CNOT6: variants seen among roughly 807,000 people sequenced by gnomAD.
CNOT6 encodes the protein carbon catabolite repression 4 protein.
Under a neutral mutation model 61.2 loss-of-function variants are expected in CNOT6, and 12 were observed. The observed-to-expected ratio is 0.20, with a 90% CI of 0.13 to 0.32. CNOT6 has a LOEUF of 0.32. Ranked by LOEUF, CNOT6 falls within the 10% of genes least tolerant of loss-of-function variation. The pLI is 1.00. For synonymous variants in CNOT6, 225 were observed against 240.6 expected, an observed-to-expected ratio of 0.94 and a Z score of 0.60; for missense variants, 405 against 663.9, an observed-to-expected ratio of 0.61 and a Z score of 4.28.
At chr5:180,498,731 C>T (rs999555387) in intron 1 of CNOT6, among the ~76,000 whole-genome samples, 13 of 152,194 alleles carry the variant, frequency 8.5e-5, no homozygotes, top group Non-Finnish European at 2.9e-5. Flanking sequence ...ACTTTGGCAT[C>T]CCTGTGGAGA....
intron 2 of CNOT6, among the ~76,000 whole-genome samples, chr5:180,548,749 A>G (rs1015629692): frequency 6.6e-6 from 1 of 152,172 alleles, no homozygotes; most frequent in African/African-American, 2.4e-5. Context: ...GGCATGGTAA[A>G]TTTAGTTCCT....
intron 2 of CNOT6, among the ~76,000 whole-genome samples, chr5:180,549,420 C>T (rs749630338): frequency 1.5e-4 from 23 of 152,008 alleles, no homozygotes; most frequent in Non-Finnish European, 2.6e-4. Flanking sequence ...GAGGCCAAGG[C>T]GGGCAGATCA....
chr5:180,573,600 T>C (rs953306621), intron 11 of CNOT6, among the ~76,000 whole-genome samples: 3 of 25,006 alleles, frequency 1.2e-4, no homozygotes, highest in Non-Finnish European at 2.0e-4. Flanking sequence ...TGTGTGTGTG[T>C]GTCCGTCCGT....
chr5:180,563,130 A>G (rs1760267736), intron 4 of CNOT6, among the ~76,000 whole-genome samples: 1 of 152,040 alleles, frequency 6.6e-6, no homozygotes. Flanking sequence ...TTTGAAGGAT[A>G]CTCCACTGCC....
chr5:180,566,732 T>C (rs1370932339), intron 7 of CNOT6, among the ~76,000 whole-genome samples: 2 of 139,900 alleles, frequency 1.4e-5, no homozygotes. Context: ...TGATCTCAGC[T>C]CACTGCAACC....
chr5:180,537,510 A>T (rs1475283866), intron 2 of CNOT6, among the ~76,000 whole-genome samples: 6 of 151,508 alleles, frequency 4.0e-5, no homozygotes, highest in South Asian at 4.2e-4. Flanking sequence ...TTTTTTTTTT[A>T]AACTTTTAAA....
chr5:180,549,827 A>T (rs947344094), intron 2 of CNOT6, 104 bp from the exon 3 acceptor site: 1 of 832,122 alleles, frequency 1.2e-6, no homozygotes, highest in Non-Finnish European at 1.9e-6. Context: ...GTTTTTGGAT[A>T]ATAATTTAAG....
intron 1 of CNOT6, among the ~76,000 whole-genome samples, 154 bp downstream of exon 1, chr5:180,494,917 C>A (rs1756525964): frequency 6.6e-6 from 1 of 151,806 alleles, no homozygotes; most frequent in African/African-American, 2.4e-5. Context: ...TTGGGGGCCC[C>A]TTCGACGCGC....
intron 4 of CNOT6, among the ~76,000 whole-genome samples, chr5:180,563,279 G>A (rs982618446): frequency 4.6e-5 from 7 of 150,590 alleles, no homozygotes; most frequent in African/African-American, 9.8e-5. Context: ...GCAGTGGCGC[G>A]ATCTTGGCTC....
At chr5:180,538,686 G>GTATATATATGTATATATA in intron 2 of CNOT6, among the ~76,000 whole-genome samples, 1 of 85,082 alleles carries the variant, frequency 1.2e-5, no homozygotes, top group South Asian at 5.6e-4. Flanking sequence ...TGAGAAAAAG[G>GTATATATATGTATATATA]TATATATATA....
chr5:180,506,512 A>G (rs543501720), intron 1 of CNOT6, among the ~76,000 whole-genome samples: 31 of 152,318 alleles, frequency 2.0e-4, no homozygotes, highest in Admixed American at 7.2e-4. Flanking sequence ...GTTGGCTACT[A>G]TATGCCTAGT....
chr5:180,519,026 A>G (rs1757771481), intron 1 of CNOT6, among the ~76,000 whole-genome samples: 1 of 152,184 alleles, frequency 6.6e-6, no homozygotes, highest in South Asian at 2.1e-4. Context: ...TTGGGTTCCT[A>G]AGATGAAGCT....
At chr5:180,514,009 AT>A (rs1310646110) in intron 1 of CNOT6, among the ~76,000 whole-genome samples, 1 of 150,644 alleles carries the variant, frequency 6.6e-6, no homozygotes, top group Non-Finnish European at 1.5e-5. Context: ...GCCCATTTTT[AT>A]TTTTTGTAGA....
At position 180,576,396 on chromosome 5, in the gene CNOT6, T is replaced by A. The variant is rs1239623681; in HGVS notation, c.*2196T>A. 1.3e-5 allele frequency: 2 copies of A among 152,674 alleles called. No individual in the cohort carries two copies. Among genetic ancestry groups the A allele is most frequent in the Admixed American group, 6.5e-5 (1 of 15,276 alleles). 9.5% of individuals were successfully genotyped at this position (152,674 alleles called of 1,614,324 possible). A position where few individuals can be genotyped will look rare whatever the true frequency, so the allele number is the denominator to read the frequency against. On this transcript the variant is annotated 3_prime_UTR_variant, in exon 12 of 12. Coordinates refer to ENST00000261951, the MANE Select transcript of CNOT6 (RefSeq NM_001370472.1). ...ATGGAGGATGTCATCTTTTCATAGA[T>A]GCTGGAACTAGAGTGCACTTGTTAG...
At chr5:180,561,360 G>GTTT (rs1346983105) in intron 4 of CNOT6, among the ~76,000 whole-genome samples, 1 of 93,184 alleles carries the variant, frequency 1.1e-5, no homozygotes, top group Admixed American at 9.7e-5. Context: ...TGTGTTTTGT[G>GTTT]TGTGTGTGTG....
chr5:180,558,144 TA>T (rs1393060917), intron 4 of CNOT6, among the ~76,000 whole-genome samples: 1 of 152,100 alleles, frequency 6.6e-6, no homozygotes, highest in Non-Finnish European at 1.5e-5. Flanking sequence ...CTCAGAAGGG[TA>T]CAGCTGTGCG....
At chr5:180,551,910 C>T (rs1191240431) in intron 3 of CNOT6, among the ~76,000 whole-genome samples, 1 of 150,994 alleles carries the variant, frequency 6.6e-6, no homozygotes, top group African/African-American at 2.4e-5. Flanking sequence ...ACTCTTGTCG[C>T]CCAGACTGGA....
chr5:180,554,224 C>G (rs865985303), intron 4 of CNOT6, among the ~76,000 whole-genome samples: 33 of 152,106 alleles, frequency 2.2e-4, no homozygotes, highest in African/African-American at 8.0e-4. Flanking sequence ...TCAAGACCAG[C>G]ATGAGCAACA....
chr5:180,536,162 A>AT (rs1342810016), intron 2 of CNOT6, among the ~76,000 whole-genome samples: 2 of 32,986 alleles, frequency 6.1e-5, no homozygotes, highest in Non-Finnish European at 1.5e-4. Context: ...CACCCGGCTA[A>AT]TTTTTTGTAT....
Sources: allele counts gnomAD v4.1 joint callset (sites outside exome capture counted in the v4.1 genomes callset), GRCh38; gene constraint gnomAD v4.1.1; transcripts MANE v1.5; gene names NCBI Gene and HGNC (gene_info 2026-07-23, HGNC 2026-07-21).